Variants in PAK5 observed in about 807,000 individuals in gnomAD.
The protein encoded by PAK5 is p21 (RAC1) activated kinase 5.
A neutral mutation model predicts 65.9 loss-of-function variants in PAK5; 16 were observed. The ratio of observed to expected loss-of-function variants is 0.24; its 90% CI spans 0.16 to 0.37. The LOEUF (loss-of-function observed/expected upper bound fraction) is 0.37. Ranked by LOEUF, PAK5 falls within the 10% of genes least tolerant of loss-of-function variation. PAK5 has a pLI of 1.00. For synonymous variants in PAK5, 371 were observed against 354.9 expected (o/e 1.05, Z -0.51); for missense variants, 785 against 903.9 (o/e 0.87, Z 1.69).
intron 2 of PAK5, among the ~76,000 whole-genome samples, chr20:9,665,564 T>A (rs768774034): frequency 6.6e-6 from 1 of 151,540 alleles, no homozygotes; most frequent in African/African-American, 2.4e-5. Flanking sequence ...ATCACTGTAG[T>A]CTCAGTCTCC....
chr20:9,731,349 C>A (rs148347827), intron 1 of PAK5, among the ~76,000 whole-genome samples: 164 of 152,218 alleles, frequency 1.1e-3, no homozygotes, highest in African/African-American at 3.2e-3. Flanking sequence ...AAAATATCAC[C>A]ATTTCAGCAT....
chr20:9,580,715 G>C lies in PAK5; in HGVS notation c.420C>G (p.Asp140Glu), dbSNP rs2123018487. Residue 140 changes from aspartate (D) to glutamate (E), a missense_variant, in exon 4 of 10, where the codon GAC (aspartate) becomes GAG (glutamate). This residue lies in a region of PAK5 where 422 missense variants were observed against 413.3 expected (regional missense o/e 1.02). Transcript: ENST00000353224. Reference sequence around the variant, plus strand: ...TCTCCCTGTACTTTTCGGTCGTGTAGTCAGCAGTAGTATCGGATTCGCTGG... The same window carrying C: ...TCTCCCTGTACTTTTCGGTCGTGTACTCAGCAGTAGTATCGGATTCGCTGG... ...QYSSESDTTA[D>E]YTTEKYREKS... 2 of 1,614,002 alleles carry C rather than the reference G, an allele frequency of 1.2e-6. No individual in the cohort carries two copies. Among genetic ancestry groups the C allele is most frequent in the Non-Finnish European group, 1.7e-6 (2 of 1,179,948 alleles).
chr20:9,579,912 A>G (rs1285481102), intron 4 of PAK5, among the ~76,000 whole-genome samples: 1 of 152,224 alleles, frequency 6.6e-6, no homozygotes, highest in Non-Finnish European at 1.5e-5. Flanking sequence ...CCTTTTAATG[A>G]GAAACCACGT....
At chr20:9,552,568 A>G (rs776141891) in intron 7 of PAK5, among the ~76,000 whole-genome samples, 2 of 152,200 alleles carry the variant, frequency 1.3e-5, no homozygotes, top group African/African-American at 4.8e-5. Context: ...CTCGTTAGAT[A>G]TTACTTATGC....
chr20:9,622,566 T>C (rs1229908541), intron 3 of PAK5, among the ~76,000 whole-genome samples: 1 of 152,206 alleles, frequency 6.6e-6, no homozygotes, highest in Non-Finnish European at 1.5e-5. Context: ...CCGGAGTGTC[T>C]GTTGACTGTT....
intron 1 of PAK5, among the ~76,000 whole-genome samples, chr20:9,791,280 C>T (rs2049047422): frequency 6.6e-6 from 1 of 152,140 alleles, no homozygotes; most frequent in Non-Finnish European, 1.5e-5. Flanking sequence ...TCACAGTCCA[C>T]ATGTCTGTCT....
intron 4 of PAK5, among the ~76,000 whole-genome samples, chr20:9,570,895 C>T (rs571162674): frequency 8.0e-4 from 122 of 152,342 alleles, no homozygotes; most frequent in Non-Finnish European, 1.4e-3. Flanking sequence ...TATCAGAATC[C>T]ACCCTTAACA....
chr20:9,788,828 C>T (rs2049020146), intron 1 of PAK5, among the ~76,000 whole-genome samples: 1 of 152,150 alleles, frequency 6.6e-6, no homozygotes, highest in South Asian at 2.1e-4. Context: ...AGCAGAGAGA[C>T]TAGTATTTAA....
At chr20:9,572,122 TA>T (rs1179715819) in intron 4 of PAK5, among the ~76,000 whole-genome samples, 15 of 149,916 alleles carry the variant, frequency 1.0e-4, no homozygotes, top group African/African-American at 3.2e-4. Flanking sequence ...AGAAATGAGC[TA>T]AAAAAAAGAG....
At chr20:9,553,570 GTGTA>G (rs2045462998) in intron 7 of PAK5, among the ~76,000 whole-genome samples, 1 of 151,980 alleles carries the variant, frequency 6.6e-6, no homozygotes, top group African/African-American at 2.4e-5. Flanking sequence ...GTGTGTGTGT[GTGTA>G]TATATATAAA....
intron 2 of PAK5, among the ~76,000 whole-genome samples, chr20:9,667,474 G>A (rs1821925941): frequency 9.9e-6 from 1 of 100,802 alleles, no homozygotes; most frequent in South Asian, 2.9e-4. Context: ...CCCTAGCCAT[G>A]TACAAGTGCT....
At position 9,637,243 on chromosome 20, in the gene PAK5, C is replaced by G. The variant is rs573018445; in HGVS notation, c.204+6882G>C. 2.6e-5 allele frequency among the ~76,000 whole-genome samples: 4 copies of G among 152,278 alleles called. No individual in the cohort carries two copies. In the East Asian group the frequency reaches 5.8e-4, roughly 22 times the overall value. On this transcript the variant is annotated intron_variant, in intron 3 of 9. Coordinates refer to ENST00000353224, the MANE Select transcript of PAK5 (RefSeq NM_177990.4). ...CAGGTTGGTCTCAAACTCCTGAACT[C>G]AAGCACTCTTGCTTTGGCCTCCCAG...
intron 1 of PAK5, among the ~76,000 whole-genome samples, chr20:9,816,069 G>A (rs192454509): frequency 1.3e-3 from 191 of 152,252 alleles, no homozygotes; most frequent in Admixed American, 3.0e-3. Context: ...GAACTCTGGG[G>A]TCAGTACTTC....
chr20:9,578,829 A>C (rs2045930526), intron 4 of PAK5, among the ~76,000 whole-genome samples: 2 of 152,144 alleles, frequency 1.3e-5, no homozygotes, highest in African/African-American at 4.8e-5. Flanking sequence ...CAGTCATGAT[A>C]TCCTGAGTGT....
At chr20:9,561,690 T>C (rs2045593062) in intron 6 of PAK5, among the ~76,000 whole-genome samples, 1 of 152,224 alleles carries the variant, frequency 6.6e-6, no homozygotes. Context: ...CCACCAATTA[T>C]GTACCTGGAT....
intron 3 of PAK5, among the ~76,000 whole-genome samples, chr20:9,622,610 G>T (rs2046786005): frequency 6.6e-6 from 1 of 152,196 alleles, no homozygotes; most frequent in East Asian, 1.9e-4. Flanking sequence ...GGTGAGTGGT[G>T]GGCCGGTGAG....
At chr20:9,764,560 C>G (rs1223050443) in intron 1 of PAK5, among the ~76,000 whole-genome samples, 1 of 152,152 alleles carries the variant, frequency 6.6e-6, no homozygotes, top group African/African-American at 2.4e-5. Context: ...GTTGATGATT[C>G]TTACCTACAT....
intron 1 of PAK5, among the ~76,000 whole-genome samples, chr20:9,772,724 T>A (rs1440529447): frequency 6.6e-6 from 1 of 152,204 alleles, no homozygotes. Flanking sequence ...AATAATGAAG[T>A]AGATGTTGTC....
At chr20:9,629,205 A>T (rs1017520933) in intron 3 of PAK5, among the ~76,000 whole-genome samples, 2 of 151,786 alleles carry the variant, frequency 1.3e-5, no homozygotes, top group Non-Finnish European at 2.9e-5. Flanking sequence ...GCTGTGCCAG[A>T]CTCCTGACCC....
Sources: gnomAD v4.1 joint callset for allele counts (sites outside exome capture counted in the v4.1 genomes callset) on GRCh38, gnomAD v4.1.1 for gene constraint, gnomAD v4.1.1 regional missense constraint, MANE v1.5 for transcripts, NCBI Gene and HGNC (gene_info 2026-07-23, HGNC 2026-07-21) for gene names.